Variants in PHF12 observed in about 807,000 individuals in gnomAD.
The protein encoded by PHF12 is PHD finger protein 12.
Under a neutral mutation model 99.8 loss-of-function variants are expected in PHF12, and 6 were observed. The ratio of observed to expected loss-of-function variants is 0.06; its 90% CI spans 0.03 to 0.12. The LOEUF is 0.12. Among genes scored for constraint, PHF12 ranks in the 10% least tolerant of loss-of-function variants. The pLI is 1.00. For missense variants in PHF12, 954 were observed against 1,300.1 expected (o/e 0.73, Z 4.09); for synonymous variants, 480 against 514.9 (o/e 0.93, Z 0.92).
chr17:28,924,525 G>GT (rs2040230850), intron 3 of PHF12: 1 of 609,498 alleles, frequency 1.6e-6, no homozygotes. Flanking sequence ...AAAAAGCATG[G>GT]TAAGTTAGGA....
At chr17:28,908,609 C>T (rs561915339) in intron 12 of PHF12, 174 bp downstream of exon 12, 7 of 649,956 alleles carry the variant, frequency 1.1e-5, no homozygotes, top group African/African-American at 5.4e-5. Context: ...CGTGAGCCAC[C>T]GTGACTGGCT....
In PHF12 at chr17:28,949,285, A is replaced by G. The variant is rs2040767482; in HGVS notation, c.248+780T>C. ...TTGTCTAACCCGGCCCGATTTCCTA[A>G]GAGGCAGCGGCGCCGGGAGGGAGGA... is the stretch of plus-strand genomic sequence containing the variant. On this transcript the variant is annotated intron_variant, in intron 2 of 14. Transcript: ENST00000332830. The surrounding 1 kb of genome is among the most constrained non-coding windows in gnomAD (Gnocchi z 4.6). 6.6e-6 allele frequency among the ~76,000 whole-genome samples: 1 copy of G among 152,184 alleles called. No homozygotes were observed. Among genetic ancestry groups the G allele is most frequent in the Non-Finnish European group, 1.5e-5 (1 of 68,036 alleles).
At chr17:28,908,686 G>A in intron 12 of PHF12, 97 bp downstream of exon 12, 1 of 1,200,984 alleles carries the variant, frequency 8.3e-7, no homozygotes, top group Admixed American at 2.0e-5. Context: ...ACTCTGGAAA[G>A]GGCTTCCCTC....
At chr17:28,917,570 G>A in intron 6 of PHF12, 121 bp from the exon 7 acceptor site, 1 of 1,059,810 alleles carries the variant, frequency 9.4e-7, no homozygotes, top group Non-Finnish European at 1.3e-6. Flanking sequence ...CCTCAATTAG[G>A]GACCAGGATG....
intron 2 of PHF12, among the ~76,000 whole-genome samples, chr17:28,946,636 C>T (rs1244082842): frequency 6.6e-6 from 1 of 152,226 alleles, no homozygotes; most frequent in Non-Finnish European, 1.5e-5. Flanking sequence ...TCCCACAGAG[C>T]TTTGGATAGA....
chr17:28,906,131 T>C lies in PHF12; in HGVS notation c.*52A>G. On this transcript the variant is annotated 3_prime_UTR_variant, in exon 15 of 15. Coordinates refer to ENST00000332830, the MANE Select transcript of PHF12 (RefSeq NM_001033561.2). The surrounding 1 kb of genome is among the most constrained non-coding windows in gnomAD (Gnocchi z 4.2). ...GGCTTGGTTTGTGTACATTTTTGCA[T>C]TGCAGGAGTCTTGGGTGGGTGTACA... 1.3e-6 allele frequency: 2 copies of C among 1,520,748 alleles called. No homozygotes were observed. The highest frequency in any genetic ancestry group is 1.8e-6 in the Non-Finnish European group (2 of 1,128,496). The allele number at this position is 1,520,748 out of a possible 1,614,324, so 94.2% of individuals were successfully genotyped here.
chr17:28,949,847 A>AC lies in PHF12; in HGVS notation c.248+217dup. 1.8e-6 allele frequency: 1 copy of AC among 557,268 alleles called. No individual in the cohort carries two copies. The highest frequency in any genetic ancestry group is 3.2e-6 in the Non-Finnish European group (1 of 316,826). The allele number at this position is 557,268 out of a possible 1,614,324, so 34.5% of individuals were successfully genotyped here. A position where few individuals can be genotyped will look rare whatever the true frequency, so the allele number is the denominator to read the frequency against. On this transcript the variant is annotated intron_variant, in intron 2 of 14. Coordinates refer to ENST00000332830, the MANE Select transcript of PHF12 (RefSeq NM_001033561.2). This position sits in a 1 kb window ranked among gnomAD's most constrained non-coding sequence, Gnocchi z 4.6. Reference sequence around the variant, plus strand: ...TATGGGGTTCTCTTCACTCGTCCCAACCCCCACCTCGGGGTCCGGACCCAC... The same window carrying AC: ...TATGGGGTTCTCTTCACTCGTCCCAACCCCCCACCTCGGGGTCCGGACCCAC...
chr17:28,928,523 T>C (rs894797109), intron 2 of PHF12, among the ~76,000 whole-genome samples: 2 of 152,172 alleles, frequency 1.3e-5, no homozygotes, highest in East Asian at 3.9e-4. Flanking sequence ...CTTCCCTCCT[T>C]GTATTTTTAT....
At chr17:28,908,943 A>T in intron 11 of PHF12, 62 bp from the exon 12 acceptor site, 1 of 1,479,338 alleles carries the variant, frequency 6.8e-7, no homozygotes, top group South Asian at 1.2e-5. Context: ...CCAAACATAA[A>T]CCAACAAAAT....
intron 2 of PHF12, among the ~76,000 whole-genome samples, chr17:28,931,660 C>T (rs2040410239): frequency 6.6e-6 from 1 of 151,804 alleles, no homozygotes; most frequent in Admixed American, 6.6e-5. Flanking sequence ...CGGCTCACTG[C>T]AACCTCTGCC....
intron 2 of PHF12, among the ~76,000 whole-genome samples, chr17:28,937,044 C>G (rs2040523246): frequency 6.6e-6 from 1 of 152,144 alleles, no homozygotes; most frequent in Non-Finnish European, 1.5e-5. Flanking sequence ...ATAAAGGGAG[C>G]CATGAGCACA....
chr17:28,936,737 A>G (rs1352944852), intron 2 of PHF12, among the ~76,000 whole-genome samples: 1 of 152,242 alleles, frequency 6.6e-6, no homozygotes, highest in Non-Finnish European at 1.5e-5. Context: ...AGAGGTGTTC[A>G]GCAAGCAAAC....
intron 3 of PHF12, 54 bp downstream of exon 3, chr17:28,926,937 A>G (rs1371116399): frequency 6.2e-7 from 1 of 1,608,950 alleles, no homozygotes; most frequent in African/African-American, 1.3e-5. Context: ...GCTCTAGCAT[A>G]TCAGTGCTCT....
chr17:28,913,805 G>A (rs1352413115), intron 8 of PHF12, 74 bp downstream of exon 8: 1 of 1,539,844 alleles, frequency 6.5e-7, no homozygotes, highest in Non-Finnish European at 8.8e-7. Context: ...ATGACACTGA[G>A]GCTACTTCTG....
At chr17:28,913,373 T>A in intron 8 of PHF12, 96 bp from the exon 9 acceptor site, 1 of 1,501,742 alleles carries the variant, frequency 6.7e-7, no homozygotes, top group Non-Finnish European at 8.8e-7. Context: ...TGACAAGCAG[T>A]TTCCGAGGTC....
At position 28,906,814 on chromosome 17, in the gene PHF12, G is replaced by A; in HGVS notation, c.2680+42C>T. ...GCAGCAAGTCAGAACCACCCTGACT[G>A]GGGCCTCAGCTTTGTGGCCACAGAT... is the stretch of plus-strand genomic sequence containing the variant. On this transcript the variant is annotated intron_variant, in intron 14 of 14. Coordinates refer to ENST00000332830, the MANE Select transcript of PHF12 (RefSeq NM_001033561.2). The surrounding 1 kb of genome is among the most constrained non-coding windows in gnomAD (Gnocchi z 4.2). 1.3e-6 allele frequency: 2 copies of A among 1,560,430 alleles called. No homozygotes were observed. Among genetic ancestry groups the A allele is most frequent in the East Asian group, 2.3e-5 (1 of 44,380 alleles).
intron 11 of PHF12, chr17:28,909,937 T>A (rs2039929254): frequency 1.6e-6 from 1 of 613,734 alleles, no homozygotes; most frequent in Non-Finnish European, 2.9e-6. Context: ...AAGCAGAAAG[T>A]ACACTACATA....
In PHF12 at chr17:28,912,624, C is replaced by G. The variant is rs746705536; in HGVS notation, c.1947G>C (p.Gln649His). 4.3e-6 allele frequency: 7 copies of G among 1,614,198 alleles called. No homozygotes were observed. Among genetic ancestry groups the G allele is most frequent in the Non-Finnish European group, 5.9e-6 (7 of 1,180,038 alleles). The change falls in exon 9 of 15, where the codon CAG becomes CAC. Residue 649 changes from glutamine to histidine, a missense_variant. Gln to His is a conservative substitution (Grantham distance 24, BLOSUM62 0). Transcript: ENST00000332830. ...STLQRKTVQS[Q>H]IGPPLTDSRP... ...TTGAATCTGTCAACGGAGGTCCTAT[C>G]TGTGATTGGACAGTCTTTCTTTGCA...
intron 4 of PHF12, among the ~76,000 whole-genome samples, chr17:28,923,653 C>CA (rs35263191): frequency 0.015 from 632 of 43,414 alleles, 24 homozygotes; most frequent in East Asian, 0.035. Flanking sequence ...GTGAGACTCA[C>CA]AAAAAAAAAA....
Sources: gnomAD v4.1 joint callset for allele counts (sites outside exome capture counted in the v4.1 genomes callset) on GRCh38, gnomAD v4.1.1 for gene constraint, Gnocchi (gnomAD v3.1) non-coding constraint, MANE v1.5 for transcripts, NCBI Gene and HGNC (gene_info 2026-07-23, HGNC 2026-07-21) for gene names.